CSMD1: variants seen among roughly 807,000 people sequenced by gnomAD.
The protein encoded by CSMD1 is CUB and sushi domain-containing protein 1.
CSMD1 carries 213 observed loss-of-function variants against 417.5 expected under a neutral mutation model. The observed-to-expected ratio is 0.51, with a 90% CI of 0.46 to 0.57. CSMD1 has a LOEUF of 0.57. Ranked by LOEUF, CSMD1 falls within the 20% of genes least tolerant of loss-of-function variation. The pLI is 0.00. For missense variants in CSMD1, 6,923 were observed against 4,529.7 expected (o/e 1.53, Z -15.17); for synonymous variants, 2,862 against 1,736.8 (o/e 1.65, Z -16.11).
At chr8:3,724,838 G>A (rs893092943) in intron 6 of CSMD1, among the ~76,000 whole-genome samples, 2 of 152,140 alleles carry the variant, frequency 1.3e-5, no homozygotes, top group African/African-American at 2.4e-5. Flanking sequence ...TCACATTAAC[G>A]GTGATGGCAG....
At position 3,514,172 on chromosome 8, in the gene CSMD1, G is replaced by C. The variant is rs558564350; in HGVS notation, c.1345-20446C>G. 2.6e-5 allele frequency among the ~76,000 whole-genome samples: 4 copies of C among 152,254 alleles called. No homozygotes were observed. The South Asian group carries it at 8.3e-4, about 32-fold the overall frequency. On this transcript the variant is annotated intron_variant, in intron 10 of 69. Coordinates refer to ENST00000635120, the MANE Select transcript of CSMD1 (RefSeq NM_033225.6). ...GTCTCCCAGGAAGCTGTCATAGCTT[G>C]TTCCCCAATCCCTCATGAAGACATG...
chr8:3,592,089 G>C (rs1238717934), intron 8 of CSMD1, among the ~76,000 whole-genome samples: 49 of 152,060 alleles, frequency 3.2e-4, no homozygotes, highest in Non-Finnish European at 4.4e-5. Flanking sequence ...ACGGATTAGA[G>C]AGACAGATAA....
intron 22 of CSMD1, among the ~76,000 whole-genome samples, chr8:3,345,839 C>T (rs1235389036): frequency 1.3e-5 from 2 of 152,168 alleles, no homozygotes; most frequent in East Asian, 3.9e-4. Flanking sequence ...CCCAGTTTTA[C>T]AGAAACTATA....
chr8:3,964,406 G>C (rs1320137540), intron 5 of CSMD1, among the ~76,000 whole-genome samples: 1 of 152,084 alleles, frequency 6.6e-6, no homozygotes, highest in African/African-American at 2.4e-5. Context: ...ATTTAGCATA[G>C]CTCCTGTTTT....
intron 5 of CSMD1, among the ~76,000 whole-genome samples, chr8:3,847,106 C>T (rs1046785009): frequency 1.2e-4 from 18 of 152,126 alleles, no homozygotes; most frequent in African/African-American, 4.1e-4. Context: ...GACCTCCATG[C>T]TCCTGAGGTC....
chr8:3,091,713 A>C, intron 47 of CSMD1, 51 bp from the exon 48 acceptor site: 2 of 1,541,332 alleles, frequency 1.3e-6, no homozygotes, highest in Non-Finnish European at 1.8e-6. Context: ...AGCACCTACC[A>C]AATGCATACT....
intron 5 of CSMD1, among the ~76,000 whole-genome samples, chr8:3,882,383 T>C (rs1806266012): frequency 6.6e-6 from 1 of 152,184 alleles, no homozygotes; most frequent in South Asian, 2.1e-4. Context: ...ATGGTTAAAA[T>C]ACAATTTTAA....
intron 10 of CSMD1, among the ~76,000 whole-genome samples, chr8:3,496,651 C>A (rs1053247874): frequency 6.6e-6 from 1 of 152,018 alleles, no homozygotes; most frequent in African/African-American, 2.4e-5. Flanking sequence ...CAGAGTGAAA[C>A]CCTGTCTCCA....
intron 38 of CSMD1, among the ~76,000 whole-genome samples, chr8:3,159,435 C>G (rs1288777896): frequency 6.6e-6 from 1 of 152,228 alleles, no homozygotes; most frequent in East Asian, 1.9e-4. Context: ...TTCCAATATT[C>G]AGGATTTACT....
chr8:4,441,095 G>GTTTTTGTTTTTTTTT (rs1798444278), intron 2 of CSMD1, among the ~76,000 whole-genome samples: 1 of 51,296 alleles, frequency 1.9e-5, no homozygotes, highest in African/African-American at 6.7e-5. Context: ...TAATCAAAAG[G>GTTTTTGTTTTTTTTT]TTTTTTTTTT....
rs574092703 is a variant in CSMD1, at chr8:4,416,326, CT to C, written c.415+3626del. Among the ~76,000 whole-genome samples the C allele has an allele frequency of 2.1e-3, 325 of 152,084 alleles. 3 individuals are homozygous for C. The highest frequency in any genetic ancestry group is 7.6e-3 in the African/African-American group (317 of 41,508). On this transcript the variant is annotated intron_variant, in intron 3 of 69. Transcript: ENST00000635120. ...AACCTTGTTTTACTTATAAAATGAA[CT>C]AAAAAGTCAACCTAAATTATTGCAT...
intron 1 of CSMD1, among the ~76,000 whole-genome samples, chr8:4,965,390 T>C (rs1379118310): frequency 3.3e-5 from 5 of 152,192 alleles, no homozygotes; most frequent in African/African-American, 1.2e-4. Context: ...TATCTGAATA[T>C]TTTGATTGAC....
At chr8:4,327,387 G>GCTAATGTATTTCC (rs1402014620) in intron 3 of CSMD1, among the ~76,000 whole-genome samples, 1 of 152,166 alleles carries the variant, frequency 6.6e-6, no homozygotes, top group Non-Finnish European at 1.5e-5. Context: ...GGGAGACTCT[G>GCTAATGTATTTCC]CTAATGTATT....
At chr8:4,577,428 C>T (rs1046010814) in intron 2 of CSMD1, among the ~76,000 whole-genome samples, 3 of 152,188 alleles carry the variant, frequency 2.0e-5, no homozygotes, top group Non-Finnish European at 4.4e-5. Flanking sequence ...GGACACTCTG[C>T]TCTCAGGAAC....
chr8:3,624,396 T>C (rs1381596501), intron 7 of CSMD1, among the ~76,000 whole-genome samples: 1 of 152,196 alleles, frequency 6.6e-6, no homozygotes, highest in African/African-American at 2.4e-5. Flanking sequence ...AAGTTAAACG[T>C]TGATTTATAT....
At chr8:4,894,965 C>G (rs2117017063) in intron 1 of CSMD1, among the ~76,000 whole-genome samples, 1 of 152,284 alleles carries the variant, frequency 6.6e-6, no homozygotes, top group South Asian at 2.1e-4. Flanking sequence ...AGGTTCAGGG[C>G]TCAGCTTCCA....
intron 1 of CSMD1, among the ~76,000 whole-genome samples, chr8:4,885,317 C>G (rs146548009): frequency 6.6e-6 from 1 of 151,944 alleles, no homozygotes; most frequent in Non-Finnish European, 1.5e-5. Context: ...ATTCTGGATG[C>G]CTTGTCTTTC....
rs6993313 is a variant in CSMD1, at chr8:4,463,999, C to G, written c.303-43934G>C. Reference sequence around the variant, plus strand: ...TTCCATTTAGCTATAAGTCTCATTTCCTGTTATATCACATGACACCTATAT... The same window carrying G: ...TTCCATTTAGCTATAAGTCTCATTTGCTGTTATATCACATGACACCTATAT... On this transcript the variant is annotated intron_variant, in intron 2 of 69. Transcript: ENST00000635120. 4.3e-3 allele frequency among the ~76,000 whole-genome samples: 650 copies of G among 152,052 alleles called. 3 individuals are homozygous for G. The highest frequency in any genetic ancestry group is 0.015 in the African/African-American group (614 of 41,456).
At chr8:3,777,897 T>C (rs568555583) in intron 5 of CSMD1, among the ~76,000 whole-genome samples, 1 of 151,356 alleles carries the variant, frequency 6.6e-6, no homozygotes, top group African/African-American at 2.4e-5. Context: ...GCGCAGAGTC[T>C]CAGTTCCCAC....
Sources: allele counts gnomAD v4.1 joint callset (sites outside exome capture counted in the v4.1 genomes callset), GRCh38; gene constraint gnomAD v4.1.1; transcripts MANE v1.5; gene names NCBI Gene and HGNC (gene_info 2026-07-23, HGNC 2026-07-21).